AHCYL2: variants seen among roughly 807,000 people sequenced by gnomAD.
The protein encoded by AHCYL2 is S-adenosylhomocysteine hydrolase-like protein 2.
In AHCYL2, 28 loss-of-function variants were observed where a neutral mutation model predicts 81.4. That is an observed-to-expected ratio of 0.34 (90% confidence interval 0.25 to 0.47). The LOEUF (loss-of-function observed/expected upper bound fraction) is 0.47, where lower values mean the gene tolerates loss of function less well. AHCYL2 is among the 20% of genes least tolerant of loss of function. The probability of loss-of-function intolerance (pLI) is 1.00; values close to 1 mark genes in which losing one functional copy is unlikely to be tolerated. For synonymous variants in AHCYL2, 272 were observed against 290.2 expected (o/e 0.94, Z 0.64); for missense variants, 551 against 785.1 (o/e 0.70, Z 3.56).
chr7:129,313,765 A>T lies in AHCYL2; in HGVS notation c.364-65873A>T, dbSNP rs917334240. ...GGATTAGCAGTTGTCATAAAAGTTA[A>T]GATACCATAGTTGATTGGTTTTAAG... is the stretch of plus-strand genomic sequence containing the variant. On this transcript the variant is annotated intron_variant, in intron 1 of 16. Transcript: ENST00000325006. Among the ~76,000 whole-genome samples the T allele has an allele frequency of 9.2e-5, 14 of 152,378 alleles. 1 individual carries two copies. The highest frequency in any genetic ancestry group is 3.4e-3 in the Middle Eastern group (1 of 294).
chr7:129,352,715 G>A (rs74643775), intron 1 of AHCYL2, among the ~76,000 whole-genome samples: 228 of 152,072 alleles, frequency 1.5e-3, no homozygotes, highest in Non-Finnish European at 3.0e-3. Context: ...CCTATTCCAG[G>A]TTACCATCAT....
chr7:129,311,670 T>G (rs1198937754), intron 1 of AHCYL2, among the ~76,000 whole-genome samples: 1 of 150,242 alleles, frequency 6.7e-6, no homozygotes, highest in African/African-American at 2.4e-5. Flanking sequence ...TTGGCTCTAC[T>G]TTCAATATAT....
chr7:129,351,295 A>G (rs929083095), intron 1 of AHCYL2, among the ~76,000 whole-genome samples: 12 of 152,234 alleles, frequency 7.9e-5, no homozygotes, highest in African/African-American at 2.7e-4. Context: ...TGGAGATACC[A>G]GCAGGAACAT....
chr7:129,244,449 T>C (rs1055217347), intron 1 of AHCYL2, among the ~76,000 whole-genome samples: 1 of 152,190 alleles, frequency 6.6e-6, no homozygotes, highest in African/African-American at 2.4e-5. Flanking sequence ...TAGGGAGGCT[T>C]ATAAACAATG....
intron 1 of AHCYL2, among the ~76,000 whole-genome samples, chr7:129,343,096 A>C (rs1793242870): frequency 6.6e-6 from 1 of 152,190 alleles, no homozygotes; most frequent in Non-Finnish European, 1.5e-5. Flanking sequence ...CATTGGATTA[A>C]AGTTGCTTAA....
intron 1 of AHCYL2, among the ~76,000 whole-genome samples, chr7:129,326,710 G>A (rs1489411242): frequency 1.3e-5 from 2 of 151,878 alleles, no homozygotes; most frequent in Non-Finnish European, 2.9e-5. Context: ...TGAAGAATAG[G>A]GGAAATAATT....
intron 1 of AHCYL2, among the ~76,000 whole-genome samples, chr7:129,237,510 T>G (rs948150661): frequency 2.6e-5 from 4 of 152,164 alleles, no homozygotes; most frequent in Non-Finnish European, 4.4e-5. Context: ...ACTACTGATT[T>G]AGTGTTTACG....
intron 11 of AHCYL2, chr7:129,410,513 A>G (rs1796515622): frequency 8.9e-6 from 8 of 895,002 alleles, no homozygotes; most frequent in Non-Finnish European, 1.4e-5. Context: ...TAAAAGGTAC[A>G]GTCATAATCT....
chr7:129,398,554 T>G (rs1795860081), intron 5 of AHCYL2, among the ~76,000 whole-genome samples: 1 of 151,190 alleles, frequency 6.6e-6, no homozygotes, highest in Non-Finnish European at 1.5e-5. Context: ...AATTTTTGTA[T>G]TTTTAGTAGA....
chr7:129,381,017 G>A (rs1043028074), intron 2 of AHCYL2, among the ~76,000 whole-genome samples: 4 of 152,166 alleles, frequency 2.6e-5, no homozygotes, highest in Non-Finnish European at 5.9e-5. Context: ...GATTACAGGC[G>A]TGAGCCACTG....
rs547616475 is a variant in AHCYL2 at position 129,255,636 on chromosome 7, A to G, written c.363+30197A>G. On this transcript the variant is annotated intron_variant, in intron 1 of 16. Coordinates refer to ENST00000325006, the MANE Select transcript of AHCYL2 (RefSeq NM_015328.4). ...TTTAGCAATTCTTAGGGTTAAGACA[A>G]TTCATTTGATAGGCCTGGGTTGATG... is the stretch of plus-strand genomic sequence containing the variant. Among the ~76,000 whole-genome samples, 7 of 152,326 alleles carry G rather than the reference A, an allele frequency of 4.6e-5. No homozygotes were observed. In the East Asian group the frequency reaches 1.2e-3, roughly 25 times the overall value.
At chr7:129,398,997 C>G (rs979482013) in intron 5 of AHCYL2, among the ~76,000 whole-genome samples, 4 of 151,652 alleles carry the variant, frequency 2.6e-5, no homozygotes, top group African/African-American at 9.7e-5. Context: ...CAAAAATTAG[C>G]TGAGTGTGGT....
intron 1 of AHCYL2, among the ~76,000 whole-genome samples, chr7:129,246,204 A>G (rs527937999): frequency 2.8e-4 from 43 of 152,074 alleles, no homozygotes; most frequent in African/African-American, 9.2e-4. Context: ...GATTACAGGC[A>G]TGTGCCACCA....
chr7:129,372,595 G>C (rs1794462560), intron 1 of AHCYL2, among the ~76,000 whole-genome samples: 1 of 152,104 alleles, frequency 6.6e-6, no homozygotes, highest in South Asian at 2.1e-4. Context: ...ATCACCTGAG[G>C]TCAGGAGTTC....
At chr7:129,416,338 C>T (rs1445863783) in intron 12 of AHCYL2, among the ~76,000 whole-genome samples, 6 of 152,066 alleles carry the variant, frequency 3.9e-5, no homozygotes, top group African/African-American at 4.8e-5. Context: ...TATTTCTACC[C>T]TCATGGAGCT....
chr7:129,378,732 A>G (rs1248220589), intron 1 of AHCYL2, among the ~76,000 whole-genome samples: 1 of 152,160 alleles, frequency 6.6e-6, no homozygotes, highest in Non-Finnish European at 1.5e-5. Flanking sequence ...TGTACCTTGC[A>G]ATTTTCTCAT....
chr7:129,289,066 G>A (rs953441986), intron 1 of AHCYL2, among the ~76,000 whole-genome samples: 5 of 151,852 alleles, frequency 3.3e-5, no homozygotes, highest in Non-Finnish European at 5.9e-5. Flanking sequence ...ACAGGTATAA[G>A]CCACCACAAC....
At chr7:129,309,310 G>A (rs972390615) in intron 1 of AHCYL2, among the ~76,000 whole-genome samples, 4 of 152,068 alleles carry the variant, frequency 2.6e-5, no homozygotes, top group Non-Finnish European at 5.9e-5. Flanking sequence ...AGGCCAAGAT[G>A]GGAGGATCAC....
At position 129,422,671 on chromosome 7, in the gene AHCYL2, TA is replaced by T. The variant is rs975131053; in HGVS notation, c.1462-166del. Among the ~76,000 whole-genome samples the T allele has an allele frequency of 1.4e-3, 218 of 152,294 alleles. 2 individuals carry two copies. In the Middle Eastern group the frequency reaches 0.017, roughly 12 times the overall value. The stretch of plus-strand genomic sequence containing the variant: ...ATCCCTCCCTGGCTGGGCCTCAGAT[TA>T]AATTCCCTGAAATGGAACAGTCCTA... On this transcript the variant is annotated intron_variant, in intron 12 of 16. Coordinates refer to ENST00000325006, the MANE Select transcript of AHCYL2 (RefSeq NM_015328.4).
Sources: allele counts gnomAD v4.1 joint callset (sites outside exome capture counted in the v4.1 genomes callset), GRCh38; gene constraint gnomAD v4.1.1; transcripts MANE v1.5; gene names NCBI Gene and HGNC (gene_info 2026-07-23, HGNC 2026-07-21).